Variants in USP32 observed in about 807,000 individuals in gnomAD.
The protein encoded by USP32 is ubiquitin specific peptidase 32.
USP32 carries 59 observed loss-of-function variants against 204.8 expected under a neutral mutation model. That is an observed-to-expected ratio of 0.29 (90% CI 0.23 to 0.36). USP32 has a LOEUF of 0.36. USP32 is among the 10% of genes least tolerant of loss of function. The pLI is 1.00. For synonymous variants in USP32, 517 were observed against 678.4 expected (o/e 0.76, Z 3.70); for missense variants, 1,160 against 1,946.4 (o/e 0.60, Z 7.60).
chr17:60,351,563 G>C (rs977726694), intron 1 of USP32, among the ~76,000 whole-genome samples: 1 of 152,006 alleles, frequency 6.6e-6, no homozygotes, highest in African/African-American at 2.4e-5. Flanking sequence ...AAGTAGCTGG[G>C]AGTACAGGCA....
chr17:60,247,678 T>G lies in USP32; in HGVS notation c.1136+4703A>C, dbSNP rs530330362. Among the ~76,000 whole-genome samples, 302 of 135,024 alleles carry G rather than the reference T, an allele frequency of 2.2e-3. 2 individuals carry two copies. Among genetic ancestry groups the G allele is most frequent in the African/African-American group, 9.7e-3 (272 of 28,170 alleles). 88.6% of individuals were successfully genotyped at this position (135,024 alleles called of 152,430 possible). ...GGTTTTGCTTGTTTGTTTGTTTTGG[T>G]TTTTTTTTTGTTTGTTTGTTTTTGA... is the stretch of plus-strand genomic sequence containing the variant. On this transcript the variant is annotated intron_variant, in intron 11 of 33. Transcript: ENST00000300896.
chr17:60,391,793 C>CAA, intron 1 of USP32, 89 bp downstream of exon 1: 2 of 1,461,894 alleles, frequency 1.4e-6, no homozygotes, highest in Non-Finnish European at 1.9e-6. Context: ...CCCACGCCCT[C>CAA]AATCTCCCCT....
At chr17:60,229,030 C>CTT in intron 12 of USP32, among the ~76,000 whole-genome samples, 1 of 148,736 alleles carries the variant, frequency 6.7e-6, no homozygotes, top group African/African-American at 2.5e-5. Flanking sequence ...ATCAATTCAA[C>CTT]TTTTTTTTTT....
intron 12 of USP32, among the ~76,000 whole-genome samples, chr17:60,226,441 GA>G (rs2085391017): frequency 3.9e-5 from 6 of 152,146 alleles, no homozygotes; most frequent in Non-Finnish European, 7.4e-5. Context: ...AGACAAAACA[GA>G]CTGTGAAGGA....
intron 26 of USP32, 30 bp downstream of exon 26, chr17:60,205,417 T>C: frequency 1.9e-6 from 3 of 1,600,912 alleles, no homozygotes; most frequent in South Asian, 1.1e-5. Context: ...CTAGCAAGAC[T>C]GGCAGTGAGT....
chr17:60,412,000 T>C (rs184622225), intron 1 of USP32, among the ~76,000 whole-genome samples: 90 of 152,296 alleles, frequency 5.9e-4, no homozygotes, highest in African/African-American at 2.0e-3. Flanking sequence ...TAATATTTAA[T>C]AATGCTTCTG....
rs1053625 is a variant in USP32 at position 60,179,337 on chromosome 17, G to C, written c.4733C>G (p.Thr1578Ser). The change falls in exon 34 of 34, where the codon ACT becomes AGT. Residue 1578 changes from threonine to serine, a missense_variant. By Grantham distance (58) the Thr-to-Ser change is moderately conservative. Around this residue, in one of 8 missense-constraint regions of USP32, gnomAD observed 244 missense variants for 342.3 expected, o/e 0.71. Transcript: ENST00000300896. ...TGTGTCTGCCATCTTTTTGCCATCA[G>C]TCTTTGGCAGAAATTGTGCATAGTC... The part of the protein sequence containing the change: ...GIDYAQFLPK[T>S]DGKKMADTSS... The C allele has an allele frequency of 6.2e-7, 1 of 1,613,750 alleles. No homozygotes were observed. Among genetic ancestry groups the C allele is most frequent in the African/African-American group, 1.3e-5 (1 of 74,904 alleles).
chr17:60,363,249 G>A (rs1260072679), intron 1 of USP32, among the ~76,000 whole-genome samples: 1 of 151,930 alleles, frequency 6.6e-6, no homozygotes, highest in Non-Finnish European at 1.5e-5. Context: ...GAGCTCAGGA[G>A]TTCGCAACCA....
rs537058202 is a variant in USP32, at chr17:60,377,834, G to A, written c.58+14048C>T. ...CTTTCTATTCTGGTTTTCTGCAGCT[G>A]TGGGGTCACTCTATCAGAATTTCAT... On this transcript the variant is annotated intron_variant, in intron 1 of 33. Transcript: ENST00000300896. 6.6e-5 allele frequency among the ~76,000 whole-genome samples: 10 copies of A among 152,268 alleles called. No individual in the cohort carries two copies. The South Asian group carries it at 1.9e-3, about 28-fold the overall frequency.
At position 60,271,373 on chromosome 17, in the gene USP32, G is replaced by T; in HGVS notation, c.680C>A (p.Pro227His). The T allele has an allele frequency of 6.2e-7, 1 of 1,614,084 alleles. No homozygotes were observed. The highest frequency in any genetic ancestry group is 8.5e-7 in the Non-Finnish European group (1 of 1,179,962). Residue 227 changes from proline to histidine, a missense_variant, in exon 6 of 34, where the codon CCT (proline) becomes CAT (histidine). By Grantham distance (77) the Pro-to-His change is moderately conservative. Around this residue, in one of 8 missense-constraint regions of USP32, gnomAD observed 536 missense variants for 680.9 expected, o/e 0.79. Coordinates refer to ENST00000300896, the MANE Select transcript of USP32 (RefSeq NM_032582.4). ...LETFGPLVSP[P>H]IRPSLSEGLF... Reference sequence around the variant, plus strand: ...ACCTTCACTTAGAGATGGACGAATAGGTGGTGAAACCAATGGGCCAAATGT... The same window carrying T: ...ACCTTCACTTAGAGATGGACGAATATGTGGTGAAACCAATGGGCCAAATGT...
intron 4 of USP32, among the ~76,000 whole-genome samples, chr17:60,289,209 C>T (rs943334360): frequency 2.0e-5 from 3 of 152,144 alleles, no homozygotes; most frequent in East Asian, 1.9e-4. Context: ...GAGGTTTCAC[C>T]GTGTTAGCCA....
chr17:60,384,193 A>C (rs925774375), intron 1 of USP32, among the ~76,000 whole-genome samples: 3 of 152,218 alleles, frequency 2.0e-5, no homozygotes, highest in African/African-American at 7.2e-5. Context: ...CATGGGAAAG[A>C]CTAGTGGAGG....
intron 1 of USP32, among the ~76,000 whole-genome samples, chr17:60,349,626 A>ATATAT (rs2088893985): frequency 2.6e-5 from 2 of 76,276 alleles, no homozygotes; most frequent in Admixed American, 1.4e-4. Flanking sequence ...TATATATATT[A>ATATAT]TATATATATA....
chr17:60,421,591 T>G (rs2090114623), intron 1 of USP32: 1 of 984,078 alleles, frequency 1.0e-6, no homozygotes, highest in Non-Finnish European at 1.2e-6. Flanking sequence ...GTGAGGAAAC[T>G]GCGGGGGCAA....
In USP32 at chr17:60,335,316, C is replaced by G. The variant is rs188171322; in HGVS notation, c.186+10165G>C. 5.5e-4 allele frequency among the ~76,000 whole-genome samples: 79 copies of G among 142,414 alleles called. 6 individuals are homozygous for G. The East Asian group carries it at 0.01, about 18-fold the overall frequency. The allele number at this position is 142,414 out of a possible 152,430, so 93.4% of individuals were successfully genotyped here. ...GTCCCTGCAAATATTAAGTATGTGTCTGTCTTTCTTCATCCAAACACCCAC... is the reference window on the plus strand; with the variant it reads ...GTCCCTGCAAATATTAAGTATGTGTGTGTCTTTCTTCATCCAAACACCCAC... On this transcript the variant is annotated intron_variant, in intron 2 of 33. Coordinates refer to ENST00000300896, the MANE Select transcript of USP32 (RefSeq NM_032582.4).
At chr17:60,367,074 C>G (rs1031386915) in intron 1 of USP32, among the ~76,000 whole-genome samples, 2 of 151,904 alleles carry the variant, frequency 1.3e-5, no homozygotes, top group Non-Finnish European at 2.9e-5. Flanking sequence ...TGATCCGCCC[C>G]CCTTGGCCTC....
At chr17:60,373,517 C>T (rs2089483920) in intron 1 of USP32, among the ~76,000 whole-genome samples, 1 of 147,350 alleles carries the variant, frequency 6.8e-6, no homozygotes, top group Non-Finnish European at 1.5e-5. Flanking sequence ...GATCTTGGCT[C>T]ACTGCAACCT....
chr17:60,299,054 C>A (rs1447498241), intron 3 of USP32, among the ~76,000 whole-genome samples: 1 of 152,124 alleles, frequency 6.6e-6, no homozygotes, highest in Admixed American at 6.6e-5. Context: ...ATCACTTGAG[C>A]CCAGGAGTTA....
At chr17:60,372,560 C>G (rs1243064360) in intron 1 of USP32, among the ~76,000 whole-genome samples, 1 of 150,114 alleles carries the variant, frequency 6.7e-6, no homozygotes, top group African/African-American at 2.5e-5. Context: ...AAAAAAAAGT[C>G]CAGGCACGGT....
Sources: gnomAD v4.1 joint callset for allele counts (sites outside exome capture counted in the v4.1 genomes callset) on GRCh38, gnomAD v4.1.1 for gene constraint, gnomAD v4.1.1 regional missense constraint, MANE v1.5 for transcripts, NCBI Gene and HGNC (gene_info 2026-07-23, HGNC 2026-07-21) for gene names.